ANP32B: variants seen among roughly 807,000 people sequenced by gnomAD.
The protein encoded by ANP32B is acidic nuclear phosphoprotein 32 family member B, also known as acidic leucine-rich nuclear phosphoprotein 32 family member B.
A neutral mutation model predicts 32.2 loss-of-function variants in ANP32B; 6 were observed. The ratio of observed to expected loss-of-function variants is 0.19; its 90% CI spans 0.10 to 0.37. The LOEUF is 0.37. ANP32B is among the 10% of genes least tolerant of loss of function. The probability of loss-of-function intolerance (pLI) is 1.00; values close to 1 mark genes in which losing one functional copy is unlikely to be tolerated. For missense variants in ANP32B, 204 were observed against 289.2 expected, an observed-to-expected ratio of 0.71 and a Z score of 2.14; for synonymous variants, 98 against 105.8, an observed-to-expected ratio of 0.93 and a Z score of 0.45.
intron 3 of ANP32B, among the ~76,000 whole-genome samples, chr9:98,002,584 G>C (rs1342914062): frequency 6.6e-6 from 1 of 152,124 alleles, no homozygotes; most frequent in African/African-American, 2.4e-5. Flanking sequence ...ACTTTCAGCA[G>C]TTCCAGAGTA....
In ANP32B at chr9:97,992,868, A is replaced by G. The variant is rs561529453; in HGVS notation, c.55-1763A>G. ...CTTTCTGGGCATTTATAATGTTCCA[A>G]GCCCTAGTCTCTACAACTTCATGAG... On this transcript the variant is annotated intron_variant, in intron 1 of 6. Transcript: ENST00000339399. Among the ~76,000 whole-genome samples the G allele has an allele frequency of 1.3e-4, 20 of 152,296 alleles. No individual in the cohort carries two copies. In the South Asian group the frequency reaches 4.1e-3, roughly 32 times the overall value.
In ANP32B at chr9:97,983,499, T is replaced by TC; in HGVS notation, c.-51dup. On this transcript the variant is annotated 5_prime_UTR_variant, in exon 1 of 7. Transcript: ENST00000339399. ...CTCGCTGCGCAAGCCGGGACGCCTC[T>TC]CCCCCCTCCGCCCCCGCCGCGGAAA... 1.4e-6 allele frequency: 2 copies of TC among 1,468,438 alleles called. No homozygotes were observed. Among genetic ancestry groups the TC allele is most frequent in the Non-Finnish European group, 9.2e-7 (1 of 1,083,490 alleles). The allele number at this position is 1,468,438 out of a possible 1,614,324, so 91.0% of individuals were successfully genotyped here.
chr9:98,011,856 T>C (rs1474743851), intron 5 of ANP32B, among the ~76,000 whole-genome samples: 8 of 152,206 alleles, frequency 5.3e-5, no homozygotes, highest in Admixed American at 5.2e-4. Flanking sequence ...AAGAGCACAG[T>C]CTGGTTTATG....
At chr9:98,012,498 C>G (rs1373765103) in intron 6 of ANP32B, 26 bp downstream of exon 6, 6 of 1,606,692 alleles carry the variant, frequency 3.7e-6, no homozygotes, top group Non-Finnish European at 5.1e-6. Context: ...GCATTTTGAT[C>G]ATTCTCAGTT....
At chr9:98,009,996 T>C (rs543742115) in intron 4 of ANP32B, among the ~76,000 whole-genome samples, 1 of 152,312 alleles carries the variant, frequency 6.6e-6, no homozygotes, top group South Asian at 2.1e-4. Flanking sequence ...CTTTGTCCCT[T>C]CTACAGTTTT....
chr9:97,992,254 T>A (rs1827840667), intron 1 of ANP32B, among the ~76,000 whole-genome samples: 1 of 152,076 alleles, frequency 6.6e-6, no homozygotes, highest in Non-Finnish European at 1.5e-5. Context: ...CATGCCTGGC[T>A]TATTTTTGTA....
In ANP32B at chr9:97,983,406, C is replaced by G. The variant is rs1463965907; in HGVS notation, c.-150C>G. On this transcript the variant is annotated 5_prime_UTR_variant, in exon 1 of 7. Coordinates refer to ENST00000339399, the MANE Select transcript of ANP32B (RefSeq NM_006401.3). ...TGGCTCCGGGGGCTCCGCTCGCCTG[C>G]CCGCACGCCGCCCGCCACCCAGGAC... is the stretch of plus-strand genomic sequence containing the variant. 7 of 626,238 alleles carry G rather than the reference C, an allele frequency of 1.1e-5. No homozygotes were observed. The highest frequency in any genetic ancestry group is 6.8e-5 in the Admixed American group (2 of 29,374). 38.8% of individuals were successfully genotyped at this position (626,238 alleles called of 1,614,324 possible). A position where few individuals can be genotyped will look rare whatever the true frequency, so the allele number is the denominator to read the frequency against.
At chr9:97,992,564 A>G (rs1479131260) in intron 1 of ANP32B, among the ~76,000 whole-genome samples, 1 of 152,154 alleles carries the variant, frequency 6.6e-6, no homozygotes, top group African/African-American at 2.4e-5. Context: ...CACTTTTGGC[A>G]TATTGGTGTA....
chr9:98,012,171 A>G (rs1023350217), intron 5 of ANP32B, among the ~76,000 whole-genome samples: 1 of 152,348 alleles, frequency 6.6e-6, no homozygotes. Flanking sequence ...CCAGAGTTAT[A>G]TACTAATTAA....
In ANP32B at chr9:98,015,752, G is replaced by T; in HGVS notation, c.*321G>T. 9.9e-7 allele frequency: 1 copy of T among 1,009,624 alleles called. No individual in the cohort carries two copies. 62.5% of individuals were successfully genotyped at this position (1,009,624 alleles called of 1,614,324 possible). ...TGTGGCTACCAGTTACACTGAGATT[G>T]TAACAGCATTTTTACTTTCTGTACA... On this transcript the variant is annotated 3_prime_UTR_variant, in exon 7 of 7. Transcript: ENST00000339399.
intron 1 of ANP32B, among the ~76,000 whole-genome samples, chr9:97,991,940 T>C (rs142186310): frequency 5.3e-5 from 8 of 152,334 alleles, no homozygotes; most frequent in African/African-American, 1.4e-4. Context: ...TCCCCCACAA[T>C]TGTGACACAA....
rs10984632 is a variant in ANP32B at position 97,984,958 on chromosome 9, G to C, written c.54+1349G>C. On this transcript the variant is annotated intron_variant, in intron 1 of 6. Coordinates refer to ENST00000339399, the MANE Select transcript of ANP32B (RefSeq NM_006401.3). ...TCGGCCGCGCGCCTTGCGGGCTGTA[G>C]GGGCCTGAGGGCGGCCCTCTTGCGG... Among the ~76,000 whole-genome samples, 413 of 151,182 alleles carry C rather than the reference G, an allele frequency of 2.7e-3. 6 individuals carry two copies. In the East Asian group the frequency reaches 0.05, roughly 18 times the overall value.
At chr9:98,014,491 A>C (rs1828241679) in intron 6 of ANP32B, among the ~76,000 whole-genome samples, 1 of 152,170 alleles carries the variant, frequency 6.6e-6, no homozygotes, top group African/African-American at 2.4e-5. Flanking sequence ...TAGTTGAAAA[A>C]ATTGGTCTAT....
chr9:97,996,748 C>A (rs181106931), intron 2 of ANP32B, among the ~76,000 whole-genome samples: 1 of 152,030 alleles, frequency 6.6e-6, no homozygotes, highest in Non-Finnish European at 1.5e-5. Context: ...CATGCACCAC[C>A]ACGCCTGGCT....
In ANP32B at chr9:97,983,743, G is replaced by A. The variant is rs1017887800; in HGVS notation, c.54+134G>A. On this transcript the variant is annotated intron_variant, in intron 1 of 6. Transcript: ENST00000339399. ...GCAGCTCGTGGGCTCGGACGGGGAA[G>A]GCGGGCGGGCGCGGAGGGGGGAGCG... The A allele has an allele frequency of 9.6e-6, 6 of 623,996 alleles. No homozygotes were observed. The South Asian group carries it at 3.2e-4, about 33-fold the overall frequency. The allele number at this position is 623,996 out of a possible 1,614,324, so 38.7% of individuals were successfully genotyped here.
chr9:97,997,681 A>G (rs993953840), intron 2 of ANP32B, among the ~76,000 whole-genome samples: 2 of 152,240 alleles, frequency 1.3e-5, no homozygotes, highest in South Asian at 2.1e-4. Flanking sequence ...TTTAAATACT[A>G]TGTAAGGGTT....
At chr9:97,985,715 C>CTGGGAAACACAGT (rs538290390) in intron 1 of ANP32B, among the ~76,000 whole-genome samples, 75 of 152,348 alleles carry the variant, frequency 4.9e-4, no homozygotes, top group African/African-American at 1.6e-3. Flanking sequence ...AGTGTTCCCT[C>CTGGGAAACACAGT]TGGGAAACAC....
chr9:98,011,461 C>A, intron 5 of ANP32B, 72 bp downstream of exon 5: 1 of 1,520,162 alleles, frequency 6.6e-7, no homozygotes, highest in Non-Finnish European at 8.8e-7. Context: ...AAAAAGATGA[C>A]AAAAGAAAAG....
chr9:98,011,949 A>G (rs1439351348), intron 5 of ANP32B, among the ~76,000 whole-genome samples: 3 of 152,210 alleles, frequency 2.0e-5, no homozygotes, highest in South Asian at 2.1e-4. Context: ...TTGACCCTCA[A>G]AGAGGTTTGG....
Sources: allele counts gnomAD v4.1 joint callset (sites outside exome capture counted in the v4.1 genomes callset), GRCh38; gene constraint gnomAD v4.1.1; transcripts MANE v1.5; gene names NCBI Gene and HGNC (gene_info 2026-07-23, HGNC 2026-07-21).